Variants in HMCN1 observed in about 807,000 individuals in gnomAD.
The protein encoded by HMCN1 is hemicentin 1, also known as hemicentin-1.
Under a neutral mutation model 625.9 loss-of-function variants are expected in HMCN1, and 321 were observed. That is an observed-to-expected ratio of 0.51 (90% confidence interval 0.47 to 0.56). The LOEUF (loss-of-function observed/expected upper bound fraction) is 0.56. HMCN1 is among the 20% of genes least tolerant of loss of function. The pLI, the probability that HMCN1 is intolerant of heterozygous loss-of-function variation, is 0.00. For synonymous variants in HMCN1, 2,425 were observed against 2,417.6 expected, an observed-to-expected ratio of 1.00 and a Z score of -0.09; for missense variants, 6,588 against 6,887.3, an observed-to-expected ratio of 0.96 and a Z score of 1.54.
chr1:185,789,446 G>T (rs763427022), intron 1 of HMCN1, among the ~76,000 whole-genome samples: 2 of 152,186 alleles, frequency 1.3e-5, no homozygotes, highest in Non-Finnish European at 2.9e-5. Context: ...TATTCTCACT[G>T]TGATATAATG....
intron 1 of HMCN1, among the ~76,000 whole-genome samples, chr1:185,826,488 G>A (rs1433877622): frequency 6.6e-6 from 1 of 152,156 alleles, no homozygotes; most frequent in Non-Finnish European, 1.5e-5. Flanking sequence ...GTGCAGCTAC[G>A]AGACAGCCAT....
At chr1:185,891,794 G>A (rs1403332716) in intron 4 of HMCN1, among the ~76,000 whole-genome samples, 1 of 147,736 alleles carries the variant, frequency 6.8e-6, no homozygotes, top group African/African-American at 2.7e-5. Context: ...GTGTCTTGGA[G>A]TTGCTCTTCT....
At chr1:186,168,984 T>C (rs1652060993) in intron 100 of HMCN1, among the ~76,000 whole-genome samples, 1 of 152,146 alleles carries the variant, frequency 6.6e-6, no homozygotes, top group Admixed American at 6.5e-5. Context: ...GTTCTCATTG[T>C]TCAACTCCCA....
chr1:185,967,859 A>C (rs1469134874), intron 14 of HMCN1, among the ~76,000 whole-genome samples: 1 of 152,176 alleles, frequency 6.6e-6, no homozygotes, highest in African/African-American at 2.4e-5. Flanking sequence ...GATTGAATAA[A>C]GTAGGTGTTT....
chr1:185,862,945 A>T (rs1662962421), intron 2 of HMCN1, among the ~76,000 whole-genome samples: 1 of 152,180 alleles, frequency 6.6e-6, no homozygotes, highest in African/African-American at 2.4e-5. Flanking sequence ...GTAAGTTTTG[A>T]TCGGGATCCA....
intron 4 of HMCN1, among the ~76,000 whole-genome samples, chr1:185,883,879 A>ATTTTTTTTTTTTTT (rs1205211897): frequency 1.6e-4 from 9 of 55,934 alleles, no homozygotes; most frequent in East Asian, 7.4e-4. Context: ...ATAGGTCATG[A>ATTTTTTTTTTTTTT]TTTTTTTTTT....
chr1:185,832,170 C>T (rs1660904861), intron 1 of HMCN1, among the ~76,000 whole-genome samples: 2 of 152,050 alleles, frequency 1.3e-5, no homozygotes. Flanking sequence ...GTGGCGCATG[C>T]TTGTATTCCC....
chr1:185,773,593 C>T (rs1159381885), intron 1 of HMCN1, among the ~76,000 whole-genome samples: 1 of 152,074 alleles, frequency 6.6e-6, no homozygotes, highest in Non-Finnish European at 1.5e-5. Context: ...CTTTGATGTA[C>T]ATTTCAACTG....
chr1:186,118,249 A>T (rs766841642), intron 77 of HMCN1, among the ~76,000 whole-genome samples: 3 of 152,138 alleles, frequency 2.0e-5, no homozygotes, highest in African/African-American at 7.2e-5. Context: ...AACACAATAG[A>T]GATAAAGTAG....
Position 185,997,588 on chromosome 1 carries a change from A to G in HMCN1, c.3874+64A>G, listed in dbSNP as rs372654219. 19 of 1,126,078 alleles carry G rather than the reference A, an allele frequency of 1.7e-5. No individual in the cohort carries two copies. In the African/African-American group the frequency reaches 2.6e-4, roughly 16 times the overall value. 69.8% of individuals were successfully genotyped at this position (1,126,078 alleles called of 1,614,324 possible). On this transcript the variant is annotated intron_variant, in intron 25 of 106. Transcript: ENST00000271588. ...TATATGGTTTCAGAATGCTATATTGAACCCAAATTGTCATCCTTATAAAAT... is the reference window on the plus strand; with the variant it reads ...TATATGGTTTCAGAATGCTATATTGGACCCAAATTGTCATCCTTATAAAAT...
chr1:185,932,913 A>G (rs1347740320), intron 10 of HMCN1, among the ~76,000 whole-genome samples: 3 of 152,208 alleles, frequency 2.0e-5, no homozygotes, highest in African/African-American at 7.2e-5. Flanking sequence ...TAAATATTTA[A>G]TTAGTAATTG....
chr1:186,159,025 A>G (rs1651240665), intron 97 of HMCN1, among the ~76,000 whole-genome samples: 2 of 152,130 alleles, frequency 1.3e-5, no homozygotes, highest in East Asian at 1.9e-4. Flanking sequence ...CTTGGGCAGT[A>G]TGGCCATTTT....
chr1:186,081,474 T>C, intron 56 of HMCN1, 80 bp downstream of exon 56: 1 of 941,968 alleles, frequency 1.1e-6, no homozygotes, highest in Non-Finnish European at 1.7e-6. Flanking sequence ...CTTTTAAAAA[T>C]AATTTTTATT....
intron 10 of HMCN1, among the ~76,000 whole-genome samples, chr1:185,932,629 A>G (rs1273319256): frequency 1.3e-5 from 2 of 152,150 alleles, no homozygotes; most frequent in African/African-American, 2.4e-5. Context: ...ACAGAAAACC[A>G]AACACCTCAT....
In HMCN1 at chr1:186,081,281, A is replaced by G. The variant is rs1310074467; in HGVS notation, c.8674A>G (p.Ile2892Val). ...CGTGCTGGTGAACAAGAGTGCACTG[A>G]TAGAGTGTTTATCCAGTGGCAGCCC... ...VTVLVNKSAL[I>V]ECLSSGSPAP... Residue 2892 changes from isoleucine to valine, a missense_variant, in exon 56 of 107, where the codon ATA becomes GTA. Transcript: ENST00000271588. 1 of 1,613,216 alleles carries G rather than the reference A, an allele frequency of 6.2e-7. No homozygotes were observed. Among genetic ancestry groups the G allele is most frequent in the African/African-American group, 1.3e-5 (1 of 74,878 alleles).
intron 28 of HMCN1, among the ~76,000 whole-genome samples, chr1:186,002,132 A>T (rs1337686406): frequency 6.6e-6 from 1 of 152,090 alleles, no homozygotes; most frequent in African/African-American, 2.4e-5. Context: ...TGAAGCTGCT[A>T]GGCTGTACTT....
At chr1:185,936,255 A>AT (rs990489722) in intron 11 of HMCN1, among the ~76,000 whole-genome samples, 1 of 152,132 alleles carries the variant, frequency 6.6e-6, no homozygotes, top group Non-Finnish European at 1.5e-5. Context: ...TATGTCTAAT[A>AT]TTGCAGCCCT....
At chr1:185,798,595 TTGAC>T (rs1455010039) in intron 1 of HMCN1, among the ~76,000 whole-genome samples, 13 of 152,090 alleles carry the variant, frequency 8.5e-5, no homozygotes, top group Admixed American at 3.9e-4. Context: ...TTATATTTGT[TTGAC>T]TGGGTTAATT....
chr1:185,804,049 T>G (rs184796289), intron 1 of HMCN1, among the ~76,000 whole-genome samples: 2 of 152,072 alleles, frequency 1.3e-5, no homozygotes, highest in Non-Finnish European at 2.9e-5. Flanking sequence ...GACATTTTTT[T>G]AAATTCATCT....
Sources: allele counts gnomAD v4.1 joint callset (sites outside exome capture counted in the v4.1 genomes callset), GRCh38; gene constraint gnomAD v4.1.1; transcripts MANE v1.5; gene names NCBI Gene and HGNC (gene_info 2026-07-23, HGNC 2026-07-21).